NAT10: variants seen among roughly 807,000 people sequenced by gnomAD.
NAT10 encodes the protein N-acetyltransferase 10.
Under a neutral mutation model 132.2 loss-of-function variants are expected in NAT10, and 109 were observed. That is an observed-to-expected ratio of 0.82 (90% CI 0.71 to 0.97). NAT10 has a LOEUF of 0.97. Ranked by LOEUF, NAT10 falls within the 50% of genes least tolerant of loss-of-function variation. The pLI is 0.00. For synonymous variants in NAT10, 479 were observed against 478.0 expected (o/e 1.00, Z -0.03); for missense variants, 1,184 against 1,263.4 (o/e 0.94, Z 0.95).
At position 34,130,830 on chromosome 11, in the gene NAT10, G is replaced by A. The variant is rs570820436; in HGVS notation, c.1262G>A (p.Arg421Gln). The change falls in exon 13 of 29, where the codon CGG becomes CAG. Residue 421 changes from arginine to glutamine, a missense_variant. Coordinates refer to ENST00000257829, the MANE Select transcript of NAT10 (RefSeq NM_024662.3). ...STINGYEGTGRSLSLKLIQQL... is the reference protein window; with the variant it reads ...STINGYEGTGQSLSLKLIQQL... ...GTTTCTAGCTATGAGGGCACTGGCC[G>A]GTCACTGTCCCTCAAGCTAATTCAG... The A allele has an allele frequency of 5.1e-5, 83 of 1,613,934 alleles. No homozygotes were observed. The highest frequency in any genetic ancestry group is 6.7e-5 in the Admixed American group (4 of 59,984).
chr11:34,122,561 G>C lies in NAT10; in HGVS notation c.883G>C (p.Gly295Arg). ...AGGACGGGGAAAATCTGCAGCCCTG[G>C]GATTGGCGATTGCTGGGGCGGTGGC... Reference protein sequence around the residue: ...ARGRGKSAALGLAIAGAVAFG... With the variant: ...ARGRGKSAALRLAIAGAVAFG... The change falls in exon 9 of 29, where the codon GGA (glycine) becomes CGA (arginine). Residue 295 changes from glycine to arginine, a missense_variant. Physicochemically the swap from Gly to Arg is moderately radical, Grantham distance 125. Transcript: ENST00000257829. The C allele has an allele frequency of 6.2e-7, 1 of 1,614,160 alleles. No homozygotes were observed. Among genetic ancestry groups the C allele is most frequent in the Non-Finnish European group, 8.5e-7 (1 of 1,180,032 alleles).
intron 4 of NAT10, among the ~76,000 whole-genome samples, chr11:34,112,787 GTGTGTGTGTGTGTGCA>G: frequency 6.6e-6 from 1 of 151,652 alleles, no homozygotes. Flanking sequence ...GTTTCACTTT[GTGTGTGTGTGTGTGCA>G]TGTGTGTGTA....
chr11:34,131,344 T>C, intron 13 of NAT10, 37 bp from the exon 14 acceptor site: 1 of 1,574,314 alleles, frequency 6.4e-7, no homozygotes, highest in Non-Finnish European at 8.6e-7. Context: ...TATTTAATCA[T>C]TGTTTCTTCT....
At chr11:34,132,966 C>T (rs983579759) in intron 15 of NAT10, 60 bp from the exon 16 acceptor site, 17 of 1,412,350 alleles carry the variant, frequency 1.2e-5, no homozygotes, top group East Asian at 2.3e-5. Context: ...TGAATCGAAC[C>T]TTTTGCGTAA....
At chr11:34,115,996 C>CA in intron 6 of NAT10, 112 bp downstream of exon 6, 1 of 926,458 alleles carries the variant, frequency 1.1e-6, no homozygotes, top group South Asian at 1.6e-5. Context: ...TACAATATTC[C>CA]AAAAATGATG....
At chr11:34,108,510 T>C (rs547226206) in intron 2 of NAT10, among the ~76,000 whole-genome samples, 177 bp downstream of exon 2, 15 of 152,320 alleles carry the variant, frequency 9.8e-5, no homozygotes, top group African/African-American at 3.4e-4. Flanking sequence ...TTTAGATTGA[T>C]TCGCAGACAA....
chr11:34,127,810 C>G (rs373826600), intron 12 of NAT10, among the ~76,000 whole-genome samples: 3 of 152,268 alleles, frequency 2.0e-5, no homozygotes, highest in African/African-American at 7.2e-5. Flanking sequence ...ATGAAATGGG[C>G]AGTGTAAGAC....
At chr11:34,145,967 C>G in intron 28 of NAT10, 117 bp from the exon 29 acceptor site, 1 of 688,368 alleles carries the variant, frequency 1.5e-6, no homozygotes. Flanking sequence ...ATTGGGTGGC[C>G]TACATCAAGT....
chr11:34,110,645 T>A (rs895434989), intron 3 of NAT10, among the ~76,000 whole-genome samples: 1 of 149,066 alleles, frequency 6.7e-6, no homozygotes, highest in Non-Finnish European at 1.5e-5. Context: ...TGTATTTTCA[T>A]ACTTTTAACT....
At chr11:34,128,362 C>CAAAAAAAAA (rs914837839) in intron 12 of NAT10, among the ~76,000 whole-genome samples, 1 of 67,238 alleles carries the variant, frequency 1.5e-5, no homozygotes. Flanking sequence ...AAAAACAAAA[C>CAAAAAAAAA]AAAAAAAAAA....
In NAT10 at chr11:34,140,492, A is replaced by G. The variant is rs1852304262; in HGVS notation, c.2512A>G (p.Ile838Val). ...ACGGAATATGGTGGACTATCACCTC[A>G]TCATGGACATGATCCCGGCCATCTC... ...YSRNMVDYHLIMDMIPAISRI... is the reference protein window; with the variant it reads ...YSRNMVDYHLVMDMIPAISRI... Residue 838 changes from isoleucine to valine, a missense_variant, in exon 24 of 29, where the codon ATC (isoleucine) becomes GTC (valine). Physicochemically the swap from Ile to Val is conservative, Grantham distance 29. Coordinates refer to ENST00000257829, the MANE Select transcript of NAT10 (RefSeq NM_024662.3). The G allele has an allele frequency of 6.2e-7, 1 of 1,614,180 alleles. No homozygotes were observed. Among genetic ancestry groups the G allele is most frequent in the Non-Finnish European group, 8.5e-7 (1 of 1,180,022 alleles).
Position 34,140,357 on chromosome 11 carries a change from C to T in NAT10, c.2420-43C>T, listed in dbSNP as rs200773728. Reference sequence around the variant, plus strand: ...GGGGCTGTGTGCTATCTCATGAGGGCGCCGGGTGACCTAACCTGTCTAGCT... The same window carrying T: ...GGGGCTGTGTGCTATCTCATGAGGGTGCCGGGTGACCTAACCTGTCTAGCT... On this transcript the variant is annotated intron_variant, in intron 23 of 28. Coordinates refer to ENST00000257829, the MANE Select transcript of NAT10 (RefSeq NM_024662.3). The T allele has an allele frequency of 3.4e-4, 535 of 1,578,266 alleles. 2 individuals are homozygous for T. The African/African-American group carries it at 4.9e-3, about 14-fold the overall frequency.
intron 12 of NAT10, 76 bp from the exon 13 acceptor site, chr11:34,130,737 G>A: frequency 1.3e-6 from 2 of 1,555,058 alleles, no homozygotes; most frequent in South Asian, 2.4e-5. Flanking sequence ...AGCAGGTGGA[G>A]GAAAGCAGCT....
intron 24 of NAT10, 113 bp from the exon 25 acceptor site, chr11:34,140,976 A>T: frequency 7.2e-7 from 1 of 1,392,278 alleles, no homozygotes; most frequent in Non-Finnish European, 1.0e-6. Context: ...ACACAGTGCT[A>T]GTCTACCTTT....
chr11:34,143,552 C>CA (rs769529755), intron 28 of NAT10, 24 bp downstream of exon 28: 3 of 1,605,988 alleles, frequency 1.9e-6, no homozygotes, highest in Non-Finnish European at 2.6e-6. Flanking sequence ...GTCTGATGTG[C>CA]ATCTGGCGGA....
chr11:34,117,885 G>A (rs1851811200), intron 6 of NAT10, among the ~76,000 whole-genome samples: 1 of 152,170 alleles, frequency 6.6e-6, no homozygotes, highest in African/African-American at 2.4e-5. Context: ...AGCCTGGGAG[G>A]ATGAGGAGAG....
chr11:34,120,843 T>C (rs1851880141), intron 8 of NAT10, among the ~76,000 whole-genome samples: 1 of 152,218 alleles, frequency 6.6e-6, no homozygotes, highest in Non-Finnish European at 1.5e-5. Flanking sequence ...GCTGTGGTTC[T>C]ACATACAGGG....
At chr11:34,140,594 T>C in intron 24 of NAT10, 22 bp downstream of exon 24, 1 of 1,607,806 alleles carries the variant, frequency 6.2e-7, no homozygotes, top group Non-Finnish European at 8.5e-7. Flanking sequence ...GTTGCTTGCG[T>C]GGAGGAGAAG....
In NAT10 at chr11:34,133,143, G is replaced by A. The variant is rs778953921; in HGVS notation, c.1734+1G>A. On this transcript the variant is annotated splice_donor_variant, in intron 16 of 28. Transcript: ENST00000257829. LOFTEE classifies it high-confidence loss of function. ...TCCAGAAGTGCTTGCTGTTATCCAG[G>A]TATAGGAGCAGAGGCGTCCTTGTGG... 9.3e-6 allele frequency: 15 copies of A among 1,607,530 alleles called. No homozygotes were observed. Among genetic ancestry groups the A allele is most frequent in the African/African-American group, 2.7e-5 (2 of 74,750 alleles).
Sources: gnomAD v4.1 joint callset for allele counts (sites outside exome capture counted in the v4.1 genomes callset) on GRCh38, gnomAD v4.1.1 for gene constraint, MANE v1.5 for transcripts, NCBI Gene and HGNC (gene_info 2026-07-23, HGNC 2026-07-21) for gene names.